LGR5: variants seen among roughly 807,000 people sequenced by gnomAD.
LGR5 encodes the protein leucine-rich repeat-containing G protein-coupled receptor 5.
A neutral mutation model predicts 76.7 loss-of-function variants in LGR5; 54 were observed. The ratio of observed to expected loss-of-function variants is 0.70; its 90% CI spans 0.57 to 0.88. LGR5 has a LOEUF of 0.88. LGR5 is among the 40% of genes least tolerant of loss of function. The probability of loss-of-function intolerance (pLI) is 0.00; values close to 1 mark genes in which losing one functional copy is unlikely to be tolerated. For missense variants in LGR5, 1,078 were observed against 1,073.3 expected (o/e 1.00, Z -0.06); for synonymous variants, 406 against 421.9 (o/e 0.96, Z 0.46).
intron 1 of LGR5, among the ~76,000 whole-genome samples, chr12:71,488,017 T>C (rs1873910362): frequency 6.6e-6 from 1 of 152,152 alleles, no homozygotes; most frequent in Non-Finnish European, 1.5e-5. Flanking sequence ...AGAAAGCCAG[T>C]TTCCTGAATT....
rs372139572 is a variant in LGR5 at position 71,566,916 on chromosome 12, C to T, written c.1070+4C>T. On this transcript the variant is annotated splice_donor_region_variant and intron_variant, in intron 11 of 17. Transcript: ENST00000266674. The stretch of plus-strand genomic sequence containing the variant: ...AGTTACCTAATCTCCAAGTGCTGTG[C>T]GTATCAGTAAGGCAATAATGTTGTG... 155 of 1,604,860 alleles carry T rather than the reference C, an allele frequency of 9.7e-5. No homozygotes were observed. Among genetic ancestry groups the T allele is most frequent in the South Asian group, 1.2e-4 (11 of 90,928 alleles).
intron 2 of LGR5, among the ~76,000 whole-genome samples, chr12:71,515,094 C>T (rs1875372346): frequency 6.6e-6 from 1 of 152,196 alleles, no homozygotes; most frequent in Non-Finnish European, 1.5e-5. Flanking sequence ...ATGGTGGGCT[C>T]AGTCAATTGC....
chr12:71,574,867 T>C (rs1878780648), intron 13 of LGR5, among the ~76,000 whole-genome samples: 1 of 152,198 alleles, frequency 6.6e-6, no homozygotes, highest in African/African-American at 2.4e-5. Flanking sequence ...TTTTCTACTA[T>C]AGAACTTAAT....
At chr12:71,546,536 C>T (rs1877173954) in intron 4 of LGR5, among the ~76,000 whole-genome samples, 1 of 152,078 alleles carries the variant, frequency 6.6e-6, no homozygotes, top group Admixed American at 6.6e-5. Flanking sequence ...TCCTCTCTGG[C>T]CACATCTGGG....
rs113487098 is a variant in LGR5 at position 71,584,546 on chromosome 12, C to T, written c.2536C>T (p.His846Tyr). ...AACCTACGTCTGGACAAGATCAAAA[C>T]ACCCAAGCTTGATGTCAATTAACTC... ...KQTYVWTRSK[H>Y]PSLMSINSDD... Residue 846 changes from histidine (H) to tyrosine (Y), a missense_variant, in exon 18 of 18, where the codon CAC (histidine) becomes TAC (tyrosine). Coordinates refer to ENST00000266674, the MANE Select transcript of LGR5 (RefSeq NM_003667.4). 63 of 1,614,140 alleles carry T rather than the reference C, an allele frequency of 3.9e-5. 1 individual carries two copies. The African/African-American group carries it at 5.9e-4, about 15-fold the overall frequency.
chr12:71,479,245 G>T (rs1033534980), intron 1 of LGR5, among the ~76,000 whole-genome samples: 2 of 152,044 alleles, frequency 1.3e-5, no homozygotes, highest in African/African-American at 2.4e-5. Context: ...CTGTTTAAAG[G>T]AAACACAAGG....
chr12:71,497,501 T>C (rs1874387741), intron 1 of LGR5, among the ~76,000 whole-genome samples: 1 of 152,186 alleles, frequency 6.6e-6, no homozygotes, highest in African/African-American at 2.4e-5. Context: ...TACAGTGTTT[T>C]GGAGTTAAAA....
chr12:71,529,327 A>G (rs1224757910), intron 3 of LGR5, among the ~76,000 whole-genome samples: 4 of 152,140 alleles, frequency 2.6e-5, no homozygotes, highest in African/African-American at 4.8e-5. Flanking sequence ...GCAGCAAGGT[A>G]TGTCCTACAT....
At chr12:71,481,067 A>C (rs1409733935) in intron 1 of LGR5, among the ~76,000 whole-genome samples, 1 of 152,212 alleles carries the variant, frequency 6.6e-6, no homozygotes, top group Admixed American at 6.5e-5. Flanking sequence ...GGGATGACAG[A>C]TAAAATTGAC....
intron 2 of LGR5, among the ~76,000 whole-genome samples, chr12:71,505,989 A>T: frequency 6.6e-6 from 1 of 152,204 alleles, no homozygotes; most frequent in Non-Finnish European, 1.5e-5. Context: ...GCTGGTACAT[A>T]ATAAATAATC....
At chr12:71,570,449 C>G (rs780258730) in intron 11 of LGR5, among the ~76,000 whole-genome samples, 1 of 151,974 alleles carries the variant, frequency 6.6e-6, no homozygotes, top group East Asian at 1.9e-4. Context: ...AGGAGTATCC[C>G]CTTTGCAGCC....
chr12:71,472,184 A>G (rs35185209), intron 1 of LGR5, among the ~76,000 whole-genome samples: 10,753 of 152,302 alleles, frequency 0.071, 405 homozygotes, highest in African/African-American at 0.093. Flanking sequence ...CCTGCAGCAT[A>G]TATAACATTC....
At chr12:71,582,586 T>C in intron 17 of LGR5, 47 bp downstream of exon 17, 1 of 1,385,496 alleles carries the variant, frequency 7.2e-7, no homozygotes, top group Non-Finnish European at 1.0e-6. Context: ...CCACCACTGA[T>C]TCTGAGTCCA....
At chr12:71,536,779 T>G (rs1312821220) in intron 4 of LGR5, among the ~76,000 whole-genome samples, 1 of 152,220 alleles carries the variant, frequency 6.6e-6, no homozygotes, top group Non-Finnish European at 1.5e-5. Flanking sequence ...CCATGAATCT[T>G]TTGTTCACTG....
At chr12:71,447,808 G>A (rs925959269) in intron 1 of LGR5, among the ~76,000 whole-genome samples, 53 of 152,344 alleles carry the variant, frequency 3.5e-4, no homozygotes, top group African/African-American at 1.3e-3. Flanking sequence ...GCTGCTTGAA[G>A]GCACCTTCAG....
intron 2 of LGR5, 78 bp downstream of exon 2, chr12:71,504,763 G>C: frequency 8.3e-7 from 1 of 1,207,032 alleles, no homozygotes; most frequent in Admixed American, 1.7e-5. Context: ...CTTACTGTGG[G>C]AACCAGATAA....
At chr12:71,520,474 T>C (rs926248522) in intron 2 of LGR5, among the ~76,000 whole-genome samples, 2 of 152,092 alleles carry the variant, frequency 1.3e-5, no homozygotes, top group African/African-American at 4.8e-5. Context: ...GTATAGATAG[T>C]GGTGATGGTT....
intron 2 of LGR5, among the ~76,000 whole-genome samples, chr12:71,508,860 C>T (rs1313148646): frequency 6.6e-6 from 1 of 151,714 alleles, no homozygotes; most frequent in Admixed American, 6.6e-5. Context: ...TTCCTCTCTC[C>T]TTCCTGACAT....
At chr12:71,555,376 T>C (rs1592541108) in intron 5 of LGR5, among the ~76,000 whole-genome samples, 1 of 152,158 alleles carries the variant, frequency 6.6e-6, no homozygotes, top group East Asian at 1.9e-4. Context: ...CTAAAATCCT[T>C]TTGAGAGTTG....
Sources: gnomAD v4.1 joint callset for allele counts (sites outside exome capture counted in the v4.1 genomes callset) on GRCh38, gnomAD v4.1.1 for gene constraint, MANE v1.5 for transcripts, NCBI Gene and HGNC (gene_info 2026-07-23, HGNC 2026-07-21) for gene names.